The following ZNF280C variants were observed in gnomAD, a reference collection of about 807,000 sequenced individuals.
ZNF280C encodes zinc finger protein 280C.
Under a neutral mutation model 53.6 loss-of-function variants are expected in ZNF280C, and 14 were observed. The ratio of observed to expected loss-of-function variants is 0.26; its 90% confidence interval spans 0.17 to 0.41. ZNF280C has a LOEUF of 0.41. Among genes scored for constraint, ZNF280C ranks in the 10% least tolerant of loss-of-function variants. ZNF280C has a pLI of 1.00. For synonymous variants in ZNF280C, 203 were observed against 181.1 expected (o/e 1.12, Z -0.97); for missense variants, 416 against 547.1 (o/e 0.76, Z 2.39).
chrX:130,229,359 T>C (rs753241528), intron 9 of ZNF280C, among the ~76,000 whole-genome samples: 2 of 112,352 alleles, frequency 1.8e-5, no homozygotes, highest in African/African-American at 6.5e-5. Context: ...TCCATTAATG[T>C]AGTAGTATGA....
At chrX:130,240,157 A>C (rs1220429629) in intron 5 of ZNF280C, among the ~76,000 whole-genome samples, 1 of 111,795 alleles carries the variant, frequency 8.9e-6, no homozygotes, top group African/African-American at 3.2e-5. Context: ...AACAATAAAG[A>C]AATGACTAAA....
intron 2 of ZNF280C, among the ~76,000 whole-genome samples, chrX:130,248,453 C>A (rs2032472416): frequency 9.0e-6 from 1 of 111,081 alleles, no homozygotes; most frequent in Non-Finnish European, 1.9e-5. Context: ...GTGGTAGAGG[C>A]AGCACACGAG....
rs752433839 is a variant in ZNF280C at position 130,221,643 on chromosome X, C to T, written c.1396-1163G>A. Among the ~76,000 whole-genome samples, 5 of 111,339 alleles carry T rather than the reference C, an allele frequency of 4.5e-5. No homozygotes were observed. The East Asian group carries it at 1.4e-3, about 31-fold the overall frequency. Reference sequence around the variant, plus strand: ...ACTCTTAACTCTTCTCTTTCTCTTACATCCCACATTCAACAAATTAATAAA... The same window carrying T: ...ACTCTTAACTCTTCTCTTTCTCTTATATCCCACATTCAACAAATTAATAAA... On this transcript the variant is annotated intron_variant, in intron 12 of 18. Coordinates refer to ENST00000370978, the MANE Select transcript of ZNF280C (RefSeq NM_017666.5).
intron 13 of ZNF280C, 75 bp from the exon 14 acceptor site, chrX:130,216,176 G>A (rs755414383): frequency 8.6e-5 from 80 of 927,419 alleles, no homozygotes; most frequent in East Asian, 2.2e-4. Flanking sequence ...ATTGTAAGCC[G>A]TAAATATCAC....
Position 130,236,291 on chromosome X carries a change from C to T in ZNF280C, c.694G>A (p.Gly232Arg). The change falls in exon 8 of 19, where the codon GGA becomes AGA. Residue 232 changes from glycine to arginine, a missense_variant. This residue lies in a region of ZNF280C where 193 missense variants were observed against 201.4 expected (regional missense o/e 0.96). Coordinates refer to ENST00000370978, the MANE Select transcript of ZNF280C (RefSeq NM_017666.5). ...GTNTSSPYDA[G>R]ADYLRACPKC... Reference sequence around the variant, plus strand: ...GGACAAGCTCTTAGGTAATCTGCTCCAGCATCATATGGAGATGAGGTATTT... The same window carrying T: ...GGACAAGCTCTTAGGTAATCTGCTCTAGCATCATATGGAGATGAGGTATTT... The T allele has an allele frequency of 8.3e-7, 1 of 1,204,703 alleles. No homozygotes were observed. The highest frequency in any genetic ancestry group is 1.1e-6 in the Non-Finnish European group (1 of 891,524).
chrX:130,256,896 A>G lies in ZNF280C; in HGVS notation c.31+3523T>C, dbSNP rs143773147. Among the ~76,000 whole-genome samples, 120 of 108,337 alleles carry G rather than the reference A, an allele frequency of 1.1e-3. No individual in the cohort carries two copies. The South Asian group carries it at 0.012, about 10-fold the overall frequency. 94.1% of individuals were successfully genotyped at this position (108,337 alleles called of 115,157 possible). A position where few individuals can be genotyped will look rare whatever the true frequency, so the allele number is the denominator to read the frequency against. On this transcript the variant is annotated intron_variant, in intron 2 of 18. Coordinates refer to ENST00000370978, the MANE Select transcript of ZNF280C (RefSeq NM_017666.5). The stretch of plus-strand genomic sequence containing the variant: ...CTGGTTAACAGCGTGAGACTGTCTC[A>G]GAAAATAAAATAAAAGAAAGAGGGC...
intron 13 of ZNF280C, among the ~76,000 whole-genome samples, chrX:130,219,572 T>C (rs1451529417): frequency 9.2e-6 from 1 of 108,657 alleles, no homozygotes; most frequent in Non-Finnish European, 1.9e-5. Context: ...TAGTCTGATG[T>C]GTGCTTGCTC....
intron 1 of ZNF280C, 147 bp from the exon 2 acceptor site, chrX:130,260,612 G>C (rs2032621486): frequency 6.2e-6 from 2 of 322,972 alleles, no homozygotes; most frequent in Admixed American, 5.8e-5. Context: ...AAGACAGTAA[G>C]CTAGGTCTCA....
intron 5 of ZNF280C, 117 bp from the exon 6 acceptor site, chrX:130,239,810 G>A: frequency 5.0e-6 from 2 of 398,692 alleles, no homozygotes; most frequent in Non-Finnish European, 8.6e-6. Context: ...AAAACACAAA[G>A]GTAATTATTA....
chrX:130,227,051 C>T, intron 11 of ZNF280C, 146 bp from the exon 12 acceptor site: 1 of 462,736 alleles, frequency 2.2e-6, no homozygotes, highest in East Asian at 3.7e-5. Context: ...AATCATATTA[C>T]TGCAAGTAAT....
At chrX:130,251,303 A>AAAAAAAAAAAAAAAAAAAAAC (rs2032506604) in intron 2 of ZNF280C, among the ~76,000 whole-genome samples, 2 of 103,053 alleles carry the variant, frequency 1.9e-5, no homozygotes, top group African/African-American at 3.5e-5. Flanking sequence ...AAAAAAAAAA[A>AAAAAAAAAAAAAAAAAAAAAC]AAAAGACCAG....
At chrX:130,247,063 GCAATA>G (rs1237836578) in intron 2 of ZNF280C, 58 bp from the exon 3 acceptor site, 2 of 1,022,237 alleles carry the variant, frequency 2.0e-6, no homozygotes, top group Non-Finnish European at 2.7e-6. Flanking sequence ...TATTTTCTGT[GCAATA>G]CATAGTATGA....
At chrX:130,218,209 A>T (rs1351511310) in intron 13 of ZNF280C, among the ~76,000 whole-genome samples, 1 of 111,666 alleles carries the variant, frequency 9.0e-6, no homozygotes, top group Non-Finnish European at 1.9e-5. Flanking sequence ...GGCTTTCACA[A>T]ATAGAGAGGT....
At chrX:130,215,565 A>T (rs1290714600) in intron 14 of ZNF280C, among the ~76,000 whole-genome samples, 3 of 112,182 alleles carry the variant, frequency 2.7e-5, no homozygotes, top group Non-Finnish European at 5.6e-5. Flanking sequence ...ATCTATCATA[A>T]GATAAAAGCA....
intron 3 of ZNF280C, 96 bp downstream of exon 3, chrX:130,246,763 C>T: frequency 1.9e-6 from 2 of 1,034,231 alleles, no homozygotes; most frequent in Non-Finnish European, 2.6e-6. Flanking sequence ...TAACTCCTTA[C>T]AGAAGAACAA....
chrX:130,244,263 C>T (rs1027400779), intron 3 of ZNF280C, among the ~76,000 whole-genome samples: 1 of 111,693 alleles, frequency 9.0e-6, no homozygotes, highest in Admixed American at 9.5e-5. Flanking sequence ...TCTATTACTA[C>T]GCTAGAAGTC....
At chrX:130,232,003 G>T (rs1482794382) in intron 8 of ZNF280C, among the ~76,000 whole-genome samples, 1 of 105,679 alleles carries the variant, frequency 9.5e-6, no homozygotes, top group Non-Finnish European at 1.9e-5. Context: ...CTCCAGCCCG[G>T]GTGACAGAGC....
intron 16 of ZNF280C, among the ~76,000 whole-genome samples, chrX:130,206,509 G>C (rs755700846): frequency 1.0e-4 from 11 of 109,425 alleles, no homozygotes; most frequent in Middle Eastern, 9.3e-3. Flanking sequence ...TGGGACTACA[G>C]GCGCCTGCCA....
chrX:130,227,614 A>G (rs1049707626), intron 11 of ZNF280C, 68 bp downstream of exon 11: 1 of 805,300 alleles, frequency 1.2e-6, no homozygotes, highest in Non-Finnish European at 1.9e-6. Flanking sequence ...AAATCAAAAG[A>G]ACAATACTAT....
Sources: gnomAD v4.1 joint callset for allele counts (sites outside exome capture counted in the v4.1 genomes callset) on GRCh38, gnomAD v4.1.1 for gene constraint, gnomAD v4.1.1 regional missense constraint, MANE v1.5 for transcripts, NCBI Gene and HGNC (gene_info 2026-07-23, HGNC 2026-07-21) for gene names.